Variants in SCAP observed in about 807,000 individuals in gnomAD.
SCAP encodes the protein sterol regulatory element-binding protein cleavage-activating protein.
Under a neutral mutation model 123.6 loss-of-function variants are expected in SCAP, and 65 were observed. That is an observed-to-expected ratio of 0.53 (90% CI 0.43 to 0.65). The LOEUF (loss-of-function observed/expected upper bound fraction) is 0.65, where lower values mean the gene tolerates loss of function less well. Ranked by LOEUF, SCAP falls within the 30% of genes least tolerant of loss-of-function variation. The pLI is 0.00. For synonymous variants in SCAP, 740 were observed against 726.3 expected, an observed-to-expected ratio of 1.02 and a Z score of -0.30; for missense variants, 1,398 against 1,712.5, an observed-to-expected ratio of 0.82 and a Z score of 3.24.
At chr3:47,466,547 GA>G (rs1219595357) in intron 1 of SCAP, among the ~76,000 whole-genome samples, 1 of 152,158 alleles carries the variant, frequency 6.6e-6, no homozygotes, top group Admixed American at 6.5e-5. Flanking sequence ...AGTCACTGGG[GA>G]AAGGACAGTC....
chr3:47,473,846 A>G (rs563227475), intron 1 of SCAP, among the ~76,000 whole-genome samples: 32 of 152,186 alleles, frequency 2.1e-4, no homozygotes, highest in Non-Finnish European at 3.4e-4. Context: ...ATAAACTTGT[A>G]GTAAACTTTT....
Position 47,418,345 on chromosome 3 carries a change from C to T in SCAP, c.2307G>A (p.Pro769=), listed in dbSNP as rs370895515. Reference sequence around the variant, plus strand: ...CCATGAGGTGGCCGCGCAGCACAAGCGGCACGATCTCCGTCTCGGGTGGCG... The same window carrying T: ...CCATGAGGTGGCCGCGCAGCACAAGTGGCACGATCTCCGTCTCGGGTGGCG... ...GYAPPETEIV[P]LVLRGHLMDI... The change falls in exon 15 of 23, where the codon CCG becomes CCA. Residue 769 remains proline, a synonymous_variant. Coordinates refer to ENST00000265565, the MANE Select transcript of SCAP (RefSeq NM_012235.4). The T allele has an allele frequency of 2.5e-6, 4 of 1,568,980 alleles. No individual in the cohort carries two copies. The African/African-American group carries it at 4.1e-5, about 16-fold the overall frequency.
chr3:47,447,194 A>G (rs929670857), intron 1 of SCAP, among the ~76,000 whole-genome samples: 1 of 152,152 alleles, frequency 6.6e-6, no homozygotes, highest in East Asian at 1.9e-4. Context: ...GCTTGAGGCC[A>G]GGAGTGTGAG....
chr3:47,465,168 C>CT (rs796601479), intron 1 of SCAP, among the ~76,000 whole-genome samples: 9,208 of 145,768 alleles, frequency 0.063, 911 homozygotes, highest in African/African-American at 0.21. Context: ...AGATGATATT[C>CT]TTTTTTTTTT....
At position 47,414,043 on chromosome 3, in the gene SCAP, G is replaced by T; in HGVS notation, c.3651C>A (p.Gly1217=). Residue 1217 remains glycine (G), a synonymous_variant, in exon 23 of 23, where the codon GGC becomes GGA. Transcript: ENST00000265565. ...CCCAAAAGGAGACACAGCCCTGGCC[G>T]CCAGTCACCAGCAGGTTGTCTGAGA... ...GVISDNLLVT[G]GQGCVSFWDL... 6.2e-7 allele frequency: 1 copy of T among 1,613,348 alleles called. No individual in the cohort carries two copies. The highest frequency in any genetic ancestry group is 8.5e-7 in the Non-Finnish European group (1 of 1,180,028).
intron 1 of SCAP, among the ~76,000 whole-genome samples, chr3:47,461,777 T>TG (rs1707648661): frequency 6.6e-6 from 1 of 152,298 alleles, no homozygotes; most frequent in South Asian, 2.1e-4. Flanking sequence ...CTCACTCTTA[T>TG]AATCCTAGGA....
rs192303742 is a variant in SCAP at position 47,450,465 on chromosome 3, C to T, written c.-98-7374G>A. Among the ~76,000 whole-genome samples, 24 of 121,940 alleles carry T rather than the reference C, an allele frequency of 2.0e-4. 6 individuals carry two copies. Among genetic ancestry groups the T allele is most frequent in the Non-Finnish European group, 3.4e-4 (19 of 55,590 alleles). The allele number at this position is 121,940 out of a possible 152,430, so 80.0% of individuals were successfully genotyped here. On this transcript the variant is annotated intron_variant, in intron 1 of 22. Coordinates refer to ENST00000265565, the MANE Select transcript of SCAP (RefSeq NM_012235.4). ...TGCACAAAAGGAGAATAGAGGGAAA[C>T]GTTAGTAGTGGTTGCTTGTCTTTGT...
intron 8 of SCAP, chr3:47,425,232 T>C: frequency 2.1e-6 from 1 of 472,464 alleles, no homozygotes; most frequent in Non-Finnish European, 3.8e-6. Context: ...ACCCCTTATA[T>C]ACACACCCAG....
At chr3:47,431,741 G>T (rs1706367588) in intron 3 of SCAP, among the ~76,000 whole-genome samples, 1 of 152,140 alleles carries the variant, frequency 6.6e-6, no homozygotes, top group Non-Finnish European at 1.5e-5. Context: ...ATTTATCACT[G>T]CTGCTTTAAC....
At chr3:47,437,299 C>T (rs1480387445) in intron 2 of SCAP, among the ~76,000 whole-genome samples, 3 of 151,402 alleles carry the variant, frequency 2.0e-5, no homozygotes, top group East Asian at 1.9e-4. Flanking sequence ...ATTAGCCGGG[C>T]GTGGTGGCGT....
Position 47,414,446 on chromosome 3 carries a change from TG to T in SCAP, c.3388-61del. 4 of 1,603,190 alleles carry T rather than the reference TG, an allele frequency of 2.5e-6. No individual in the cohort carries two copies. The South Asian group carries it at 4.4e-5, about 18-fold the overall frequency. On this transcript the variant is annotated intron_variant, in intron 21 of 22. Transcript: ENST00000265565. ...GGTGTAATACCTCTGTCAACAGTGG[TG>T]TCCCTGTGCCCCAGTGGGTGGGGCC...
At chr3:47,446,008 T>C (rs1707025301) in intron 1 of SCAP, among the ~76,000 whole-genome samples, 1 of 150,406 alleles carries the variant, frequency 6.6e-6, no homozygotes, top group Non-Finnish European at 1.5e-5. Context: ...CCTGAGTAGC[T>C]GGAATTACAG....
intron 1 of SCAP, among the ~76,000 whole-genome samples, chr3:47,460,729 C>T (rs1019184589): frequency 6.6e-6 from 1 of 152,038 alleles, no homozygotes; most frequent in Non-Finnish European, 1.5e-5. Context: ...AGCTAATTTT[C>T]TTATTTTTAG....
At chr3:47,470,423 G>A (rs979241788) in intron 1 of SCAP, among the ~76,000 whole-genome samples, 7 of 152,330 alleles carry the variant, frequency 4.6e-5, no homozygotes, top group African/African-American at 9.6e-5. Flanking sequence ...ATAGTGAGAT[G>A]TGGGACTGGT....
chr3:47,416,682 A>G (rs921008817), intron 18 of SCAP, among the ~76,000 whole-genome samples: 1 of 123,332 alleles, frequency 8.1e-6, no homozygotes, highest in Non-Finnish European at 1.6e-5. Flanking sequence ...GCTGGAGTGC[A>G]GTGGCGGGAT....
At chr3:47,414,754 TCC>T in intron 20 of SCAP, 71 bp downstream of exon 20, 1 of 1,603,548 alleles carries the variant, frequency 6.2e-7, no homozygotes. Context: ...TTCCAGCCTC[TCC>T]CTGACGAATG....
intron 18 of SCAP, 54 bp from the exon 19 acceptor site, chr3:47,415,234 G>A: frequency 6.6e-7 from 1 of 1,521,998 alleles, no homozygotes; most frequent in Non-Finnish European, 8.9e-7. Context: ...CCAGCCCTGG[G>A]GCTGAGCATG....
At chr3:47,446,023 G>A (rs1423893429) in intron 1 of SCAP, among the ~76,000 whole-genome samples, 6 of 147,022 alleles carry the variant, frequency 4.1e-5, no homozygotes, top group South Asian at 4.4e-4. Context: ...TTACAGATGC[G>A]CGCCACCACG....
intron 1 of SCAP, among the ~76,000 whole-genome samples, chr3:47,454,248 TC>T (rs1475014591): frequency 2.0e-5 from 3 of 151,832 alleles, no homozygotes; most frequent in Non-Finnish European, 4.4e-5. Context: ...GCACCTGTAG[TC>T]CCAGCTACTC....
Sources: gnomAD v4.1 joint callset for allele counts (sites outside exome capture counted in the v4.1 genomes callset) on GRCh38, gnomAD v4.1.1 for gene constraint, MANE v1.5 for transcripts, NCBI Gene and HGNC (gene_info 2026-07-23, HGNC 2026-07-21) for gene names.